ZMYND8: variants seen among roughly 807,000 people sequenced by gnomAD.
The protein encoded by ZMYND8 is MYND-type zinc finger-containing chromatin reader ZMYND8.
In ZMYND8, 37 loss-of-function variants were observed where a neutral mutation model predicts 140.8. That is an observed-to-expected ratio of 0.26 (90% CI 0.20 to 0.35). The LOEUF is 0.35. Ranked by LOEUF, ZMYND8 falls within the 10% of genes least tolerant of loss-of-function variation. ZMYND8 has a pLI of 1.00. For missense variants in ZMYND8, 1,068 were observed against 1,570.0 expected (o/e 0.68, Z 5.40); for synonymous variants, 592 against 597.1 (o/e 0.99, Z 0.12).
At chr20:47,319,451 C>T (rs1601890087) in intron 2 of ZMYND8, 2 of 214,350 alleles carry the variant, frequency 9.3e-6, no homozygotes, top group East Asian at 2.4e-4. Flanking sequence ...GTTTCAGATT[C>T]TCCAGTTCTG....
intron 12 of ZMYND8, among the ~76,000 whole-genome samples, chr20:47,260,224 G>C (rs2075051656): frequency 6.6e-6 from 1 of 152,072 alleles, no homozygotes. Context: ...CATTGCCAGT[G>C]GGTGGGGAAG....
intron 8 of ZMYND8, chr20:47,285,699 G>A (rs749545592): frequency 7.2e-5 from 71 of 985,258 alleles, no homozygotes; most frequent in Admixed American, 6.1e-4. Flanking sequence ...TCATCACCTT[G>A]TTACTTAAGA....
At chr20:47,215,437 T>C (rs1385611349) in intron 21 of ZMYND8, among the ~76,000 whole-genome samples, 1 of 151,688 alleles carries the variant, frequency 6.6e-6, no homozygotes, top group East Asian at 1.9e-4. Context: ...TGGTGGAGTA[T>C]CAGAATAGAA....
intron 16 of ZMYND8, among the ~76,000 whole-genome samples, chr20:47,233,771 A>G (rs1338699997): frequency 6.6e-6 from 1 of 152,204 alleles, no homozygotes; most frequent in Admixed American, 6.5e-5. Context: ...ACACTTCATC[A>G]ATTTGTCAAG....
chr20:47,293,492 G>A (rs986931110), intron 5 of ZMYND8, among the ~76,000 whole-genome samples: 2 of 152,130 alleles, frequency 1.3e-5, no homozygotes, highest in Non-Finnish European at 2.9e-5. Flanking sequence ...GGCAAAGGCT[G>A]TATATCAAAT....
intron 12 of ZMYND8, among the ~76,000 whole-genome samples, chr20:47,258,559 T>C (rs1480068669): frequency 1.3e-5 from 2 of 152,196 alleles, no homozygotes; most frequent in African/African-American, 2.4e-5. Context: ...CAAACCCTCC[T>C]GCACTCCAAC....
chr20:47,228,562 C>T (rs1247322079), intron 17 of ZMYND8, among the ~76,000 whole-genome samples: 1 of 152,234 alleles, frequency 6.6e-6, no homozygotes, highest in Non-Finnish European at 1.5e-5. Context: ...CTTATTCTTT[C>T]CCTTCTTATT....
At chr20:47,340,331 G>A (rs1225808279) in intron 2 of ZMYND8, among the ~76,000 whole-genome samples, 2 of 152,064 alleles carry the variant, frequency 1.3e-5, no homozygotes, top group African/African-American at 4.8e-5. Flanking sequence ...CTTAAAGAGG[G>A]AACTTGAAAC....
In ZMYND8 at chr20:47,291,051, TCTTAA is replaced by T. The variant is rs903465449; in HGVS notation, c.660+740_660+744del. ...AGGAATGTATCTAAAGTTCCACAGC[TCTTAA>T]CTTAATTAATATAAAGTCAGGTTTC... On this transcript the variant is annotated intron_variant, in intron 6 of 22. Transcript: ENST00000471951. Among the ~76,000 whole-genome samples, 23 of 152,272 alleles carry T rather than the reference TCTTAA, an allele frequency of 1.5e-4. No individual in the cohort carries two copies. In the South Asian group the frequency reaches 2.5e-3, roughly 16 times the overall value.
intron 2 of ZMYND8, among the ~76,000 whole-genome samples, chr20:47,338,028 G>C (rs2148507593): frequency 1.3e-5 from 2 of 152,144 alleles, no homozygotes; most frequent in South Asian, 4.1e-4. Context: ...AGTTTCCCAA[G>C]AAGAGGACGG....
chr20:47,258,744 A>G (rs185273290), intron 12 of ZMYND8, among the ~76,000 whole-genome samples: 163 of 152,276 alleles, frequency 1.1e-3, no homozygotes, highest in East Asian at 3.9e-4. Flanking sequence ...ATCAAGCCCT[A>G]TAAAGCATTT....
intron 2 of ZMYND8, among the ~76,000 whole-genome samples, chr20:47,311,422 C>A (rs2078922649): frequency 6.6e-6 from 1 of 152,106 alleles, no homozygotes; most frequent in East Asian, 1.9e-4. Context: ...ACCAGCCTGG[C>A]CAACATGGTA....
At chr20:47,347,787 TACA>T (rs1569253215) in intron 2 of ZMYND8, 66 bp downstream of exon 2, 7 of 1,545,956 alleles carry the variant, frequency 4.5e-6, no homozygotes, top group South Asian at 1.1e-5. Context: ...TTCACTGCAC[TACA>T]ACAACAAAAA....
At chr20:47,344,740 T>A (rs1221353008) in intron 2 of ZMYND8, among the ~76,000 whole-genome samples, 1 of 152,238 alleles carries the variant, frequency 6.6e-6, no homozygotes, top group African/African-American at 2.4e-5. Flanking sequence ...GGGGCTAACA[T>A]GGGAACTCTT....
intron 2 of ZMYND8, among the ~76,000 whole-genome samples, chr20:47,344,709 G>A (rs374999352): frequency 1.2e-4 from 19 of 152,338 alleles, no homozygotes; most frequent in African/African-American, 4.3e-4. Context: ...AATAATAGAA[G>A]AAATTGTGTG....
Position 47,341,351 on chromosome 20 carries a change from A to AC in ZMYND8, c.85+6504dup, listed in dbSNP as rs548437497. On this transcript the variant is annotated intron_variant, in intron 2 of 22. Transcript: ENST00000471951. ...AGACTAGCCTGGCTAACATGGCAAAACCCCATCTCTACTAAAAATTTAAAA... is the reference window on the plus strand; with the variant it reads ...AGACTAGCCTGGCTAACATGGCAAAACCCCCATCTCTACTAAAAATTTAAAA... 2.8e-3 allele frequency among the ~76,000 whole-genome samples: 417 copies of AC among 151,008 alleles called. 2 individuals carry two copies. The highest frequency in any genetic ancestry group is 5.7e-3 in the South Asian group (27 of 4,776).
intron 9 of ZMYND8, 86 bp from the exon 10 acceptor site, chr20:47,282,303 G>A: frequency 1.8e-6 from 2 of 1,134,384 alleles, no homozygotes; most frequent in South Asian, 2.7e-5. Context: ...GATGAAGCAG[G>A]ACTGTGGGAC....
chr20:47,319,329 G>A (rs2079713615), intron 2 of ZMYND8: 2 of 291,556 alleles, frequency 6.9e-6, no homozygotes, highest in Non-Finnish European at 1.3e-5. Flanking sequence ...GAATAAATAC[G>A]AGGAACTGCA....
At chr20:47,327,853 C>T (rs185678215) in intron 2 of ZMYND8, among the ~76,000 whole-genome samples, 170 of 152,280 alleles carry the variant, frequency 1.1e-3, no homozygotes, top group African/African-American at 3.7e-3. Flanking sequence ...CTTGCTCCGT[C>T]GCCCAGCCTG....
Sources: allele counts gnomAD v4.1 joint callset (sites outside exome capture counted in the v4.1 genomes callset), GRCh38; gene constraint gnomAD v4.1.1; transcripts MANE v1.5; gene names NCBI Gene and HGNC (gene_info 2026-07-23, HGNC 2026-07-21).